RBP2: variants seen among roughly 807,000 people sequenced by gnomAD.
RBP2 encodes retinol binding protein 2, also known as retinol-binding protein 2.
In RBP2, 17 loss-of-function variants were observed where a neutral mutation model predicts 17.0. The observed-to-expected ratio is 1.00, with a 90% CI of 0.68 to 1.50. The LOEUF (loss-of-function observed/expected upper bound fraction) is 1.50, where lower values mean the gene tolerates loss of function less well. RBP2 is among the 40% of genes most tolerant of loss of function. The pLI is 0.00. For synonymous variants in RBP2, 48 were observed against 57.1 expected, an observed-to-expected ratio of 0.84 and a Z score of 0.72; for missense variants, 158 against 168.2, an observed-to-expected ratio of 0.94 and a Z score of 0.33.
intron 2 of RBP2, among the ~76,000 whole-genome samples, chr3:139,455,719 C>G (rs1403594729): frequency 6.6e-6 from 1 of 152,142 alleles, no homozygotes; most frequent in African/African-American, 2.4e-5. Flanking sequence ...CCAGATGGCT[C>G]CAGTACCTGC....
chr3:139,454,026 C>A lies in RBP2; in HGVS notation c.354+703G>T, dbSNP rs185791605. ...ATTGGAGCCAGGTACCTGCCTCATT[C>A]CAAAGGTGAGTGAATTAATGAATGA... On this transcript the variant is annotated intron_variant, in intron 3 of 3. Coordinates refer to ENST00000232217, the MANE Select transcript of RBP2 (RefSeq NM_004164.3). Among the ~76,000 whole-genome samples, 792 of 144,130 alleles carry A rather than the reference C, an allele frequency of 5.5e-3. 2 individuals carry two copies. Among genetic ancestry groups the A allele is most frequent in the Non-Finnish European group, 7.1e-3 (485 of 67,972 alleles). The allele number at this position is 144,130 out of a possible 152,430, so 94.6% of individuals were successfully genotyped here.
chr3:139,455,384 A>G (rs113364532), intron 2 of RBP2, among the ~76,000 whole-genome samples: 7 of 152,206 alleles, frequency 4.6e-5, no homozygotes, highest in African/African-American at 1.7e-4. Flanking sequence ...GCCTCACATT[A>G]TAAGAGAAAT....
chr3:139,458,090 C>T (rs2349059), intron 2 of RBP2, among the ~76,000 whole-genome samples: 41,883 of 152,016 alleles, frequency 0.28, 7,182 homozygotes, highest in East Asian at 0.86. Flanking sequence ...GTGCACATGA[C>T]AAAGCAAAGG....
intron 3 of RBP2, 95 bp downstream of exon 3, chr3:139,454,634 G>T (rs1943364162): frequency 1.7e-6 from 2 of 1,167,788 alleles, no homozygotes; most frequent in Non-Finnish European, 1.3e-6. Context: ...GGGTAGGAGT[G>T]CAGGGCCATT....
chr3:139,466,714 C>T (rs1017256656), intron 1 of RBP2: 1 of 152,242 alleles, frequency 6.6e-6, no homozygotes, highest in Admixed American at 6.5e-5. Flanking sequence ...AGAGCTTTGC[C>T]CAGTGGCTGG....
chr3:139,455,215 C>T (rs1943374224), intron 2 of RBP2, among the ~76,000 whole-genome samples: 1 of 152,046 alleles, frequency 6.6e-6, no homozygotes, highest in Non-Finnish European at 1.5e-5. Context: ...AACATATCAG[C>T]AAAGATTTGA....
chr3:139,470,164 C>T (rs1054040333), intron 1 of RBP2, among the ~76,000 whole-genome samples: 5 of 152,154 alleles, frequency 3.3e-5, no homozygotes, highest in African/African-American at 7.2e-5. Flanking sequence ...CATGCTCCCC[C>T]GCCACCCCAG....
intron 1 of RBP2, among the ~76,000 whole-genome samples, chr3:139,465,725 C>T (rs1163217099): frequency 6.6e-6 from 1 of 152,142 alleles, no homozygotes; most frequent in Non-Finnish European, 1.5e-5. Context: ...GTTTGTTTTC[C>T]AAAGCCCTTG....
At chr3:139,454,860 A>T (rs1160248915) in intron 2 of RBP2, 30 bp from the exon 3 acceptor site, 1 of 1,598,112 alleles carries the variant, frequency 6.3e-7, no homozygotes, top group South Asian at 1.1e-5. Context: ...GGCAAATCAA[A>T]CACATGGTCT....
chr3:139,459,919 C>T (rs1933129242), intron 2 of RBP2, among the ~76,000 whole-genome samples: 1 of 152,076 alleles, frequency 6.6e-6, no homozygotes, highest in South Asian at 2.1e-4. Context: ...AGGATTCTCT[C>T]TCTTTCTGCA....
At chr3:139,467,225 G>C (rs1433293834) in intron 1 of RBP2, among the ~76,000 whole-genome samples, 1 of 152,250 alleles carries the variant, frequency 6.6e-6, no homozygotes, top group Non-Finnish European at 1.5e-5. Context: ...AGGTTCCTGG[G>C]CTGGCAGCAG....
At chr3:139,464,494 C>T (rs1933296349) in intron 1 of RBP2, among the ~76,000 whole-genome samples, 2 of 152,186 alleles carry the variant, frequency 1.3e-5, no homozygotes, top group East Asian at 3.9e-4. Flanking sequence ...CTCCCCTTTT[C>T]CCCAAAATCA....
At chr3:139,468,087 CAG>C (rs776082638) in intron 1 of RBP2, among the ~76,000 whole-genome samples, 26 of 152,102 alleles carry the variant, frequency 1.7e-4, no homozygotes, top group Non-Finnish European at 2.9e-4. Flanking sequence ...CCAGAAGAAA[CAG>C]GGGAAGGCTC....
chr3:139,470,795 T>C (rs1182323616), intron 1 of RBP2, among the ~76,000 whole-genome samples: 1 of 152,024 alleles, frequency 6.6e-6, no homozygotes, highest in Non-Finnish European at 1.5e-5. Context: ...CTATGTTGCC[T>C]AGGCTCATCA....
At chr3:139,464,216 T>C (rs1032081853) in intron 1 of RBP2, among the ~76,000 whole-genome samples, 1 of 152,194 alleles carries the variant, frequency 6.6e-6, no homozygotes, top group Non-Finnish European at 1.5e-5. Flanking sequence ...TCCCAGCACT[T>C]TGGGAGGCCT....
Position 139,455,367 on chromosome 3 carries a change from A to G in RBP2, c.253-537T>C, listed in dbSNP as rs555180119. ...AGATGGCTTCTAAACATAAGAAAAG[A>G]CATTCAGCCTCACATTATAAGAGAA... On this transcript the variant is annotated intron_variant, in intron 2 of 3. Coordinates refer to ENST00000232217, the MANE Select transcript of RBP2 (RefSeq NM_004164.3). Among the ~76,000 whole-genome samples, 110 of 152,344 alleles carry G rather than the reference A, an allele frequency of 7.2e-4. 1 individual carries two copies. Among genetic ancestry groups the G allele is most frequent in the Non-Finnish European group, 1.1e-3 (78 of 68,036 alleles).
chr3:139,467,379 A>G (rs960061895), intron 1 of RBP2, among the ~76,000 whole-genome samples: 3 of 152,216 alleles, frequency 2.0e-5, no homozygotes, highest in Admixed American at 6.5e-5. Flanking sequence ...CCCTAGACCT[A>G]TAAAGTAGGA....
intron 2 of RBP2, among the ~76,000 whole-genome samples, chr3:139,461,209 C>G (rs1307722665): frequency 1.3e-5 from 2 of 152,174 alleles, no homozygotes; most frequent in Admixed American, 6.5e-5. Context: ...GTTACCCTTG[C>G]CTTCCCAGCA....
At chr3:139,473,774 C>T (rs564788212) in intron 1 of RBP2, among the ~76,000 whole-genome samples, 1 of 152,190 alleles carries the variant, frequency 6.6e-6, no homozygotes, top group Non-Finnish European at 1.5e-5. Flanking sequence ...CATGCCTGCC[C>T]CACCCATGTT....
Sources: allele counts gnomAD v4.1 joint callset (sites outside exome capture counted in the v4.1 genomes callset), GRCh38; gene constraint gnomAD v4.1.1; transcripts MANE v1.5; gene names NCBI Gene and HGNC (gene_info 2026-07-23, HGNC 2026-07-21).